The following EXOC3 variants were observed in gnomAD, a reference collection of about 807,000 sequenced individuals.
EXOC3 encodes exocyst complex component 3, also known as SEC6-like 1.
Under a neutral mutation model 73.7 loss-of-function variants are expected in EXOC3, and 21 were observed. The ratio of observed to expected loss-of-function variants is 0.29; its 90% CI spans 0.20 to 0.41. The LOEUF (loss-of-function observed/expected upper bound fraction) is 0.41. Among genes scored for constraint, EXOC3 ranks in the 10% least tolerant of loss-of-function variants. The pLI is 1.00. For missense variants in EXOC3, 842 were observed against 985.1 expected (o/e 0.85, Z 1.95); for synonymous variants, 410 against 389.1 (o/e 1.05, Z -0.63).
intron 4 of EXOC3, among the ~76,000 whole-genome samples, chr5:455,765 C>T (rs1737793194): frequency 6.6e-6 from 1 of 152,000 alleles, no homozygotes; most frequent in South Asian, 2.1e-4. Context: ...CACCATGCCC[C>T]GCTAATTTTT....
At chr5:445,455 G>T (rs1271959902) in intron 1 of EXOC3, among the ~76,000 whole-genome samples, 2 of 151,170 alleles carry the variant, frequency 1.3e-5, no homozygotes, top group Non-Finnish European at 2.9e-5. Flanking sequence ...GTTCACGCCA[G>T]TCTCCTGCCT....
At chr5:454,106 G>A in intron 4 of EXOC3, 55 bp downstream of exon 4, 4 of 1,432,914 alleles carry the variant, frequency 2.8e-6, no homozygotes, top group Non-Finnish European at 2.8e-6. Flanking sequence ...TGTGTGAGAG[G>A]GGCCTGCAGC....
chr5:465,138 G>A lies in EXOC3; in HGVS notation c.1804G>A (p.Val602Met), dbSNP rs1343412296. The change falls in exon 11 of 13, where the codon GTG becomes ATG. Residue 602 changes from valine to methionine, a missense_variant. Physicochemically the swap from Val to Met is conservative, Grantham distance 21. Transcript: ENST00000512944. ...GATGACGGCCGAGGCGCACCGGCGCGTGGTGGTGGAGTACCTGCGGGCGGT... is the reference window on the plus strand; with the variant it reads ...GATGACGGCCGAGGCGCACCGGCGCATGGTGGTGGAGTACCTGCGGGCGGT... ...KRMTAEAHRR[V>M]VVEYLRAVMQ... 8.2e-6 allele frequency: 13 copies of A among 1,592,856 alleles called. No homozygotes were observed. The highest frequency in any genetic ancestry group is 1.8e-4 in the Middle Eastern group (1 of 5,576).
chr5:451,926 T>A (rs1374707452), intron 3 of EXOC3, among the ~76,000 whole-genome samples: 1 of 152,260 alleles, frequency 6.6e-6, no homozygotes, highest in Non-Finnish European at 1.5e-5. Context: ...GATCTGCTCA[T>A]AATCTTATTT....
chr5:464,926 G>A, intron 10 of EXOC3, 185 bp from the exon 11 acceptor site: 1 of 651,564 alleles, frequency 1.5e-6, no homozygotes, highest in East Asian at 2.8e-5. Flanking sequence ...CCAGGTCACC[G>A]TCACTGTTCC....
rs1737392906 is a variant in EXOC3, at chr5:443,280, A to AGCGGCGGCGGC, written c.-65_-64insGGCGGCGGCGC. The AGCGGCGGCGGC allele has an allele frequency of 1.5e-5, 2 of 133,420 alleles. No homozygotes were observed. Among genetic ancestry groups the AGCGGCGGCGGC allele is most frequent in the South Asian group, 4.0e-4 (2 of 5,012 alleles). 8.3% of individuals were successfully genotyped at this position (133,420 alleles called of 1,614,324 possible). On this transcript the variant is annotated 5_prime_UTR_variant, in exon 1 of 13. Coordinates refer to ENST00000512944, the MANE Select transcript of EXOC3 (RefSeq NM_007277.5). ...GCGGCGGCGGCGGCGGCGGCGGCGT[A>AGCGGCGGCGGC]GCCGTAGAGGGTGAGTCGGTGGCAG...
chr5:462,087 G>A lies in EXOC3; in HGVS notation c.1502+17G>A, dbSNP rs760759046. ...GACCTTCAAGTGAGTGTGGCCGGGCGCTGTGGCGGGGGAGCGGTGGAGGCC... is the reference window on the plus strand; with the variant it reads ...GACCTTCAAGTGAGTGTGGCCGGGCACTGTGGCGGGGGAGCGGTGGAGGCC... On this transcript the variant is annotated intron_variant, in intron 8 of 12. Transcript: ENST00000512944. 11 of 1,609,220 alleles carry A rather than the reference G, an allele frequency of 6.8e-6. No individual in the cohort carries two copies. The highest frequency in any genetic ancestry group is 3.3e-4 in the Middle Eastern group (2 of 6,050).
chr5:448,315 CCCTGAACGGTG>C (rs1313871931), intron 3 of EXOC3, among the ~76,000 whole-genome samples: 1 of 152,192 alleles, frequency 6.6e-6, no homozygotes, highest in Non-Finnish European at 1.5e-5. Flanking sequence ...TGTAACCTGT[CCCTGAACGGTG>C]CCAGCTGGCC....
intron 3 of EXOC3, among the ~76,000 whole-genome samples, chr5:450,380 C>T (rs758258977): frequency 3.3e-5 from 5 of 152,172 alleles, no homozygotes; most frequent in Non-Finnish European, 4.4e-5. Context: ...TTTCTAATGT[C>T]ATCTGTTGAG....
intron 1 of EXOC3, among the ~76,000 whole-genome samples, chr5:443,806 G>A (rs1198782903): frequency 7.5e-6 from 1 of 133,990 alleles, no homozygotes; most frequent in Non-Finnish European, 1.6e-5. Flanking sequence ...TCTTGACGGT[G>A]TCCCCCCCCA....
intron 3 of EXOC3, among the ~76,000 whole-genome samples, chr5:452,223 C>T (rs1187324808): frequency 1.3e-5 from 2 of 152,180 alleles, no homozygotes; most frequent in East Asian, 1.9e-4. Flanking sequence ...TTTCTTCAAT[C>T]TTTTTTCTTT....
intron 11 of EXOC3, 66 bp from the exon 12 acceptor site, chr5:465,652 A>T: frequency 6.2e-7 from 1 of 1,600,190 alleles, no homozygotes; most frequent in East Asian, 2.2e-5. Context: ...GCTCAGCCAG[A>T]ATCCAGCTGC....
chr5:462,733 G>A (rs1738026493), intron 9 of EXOC3, among the ~76,000 whole-genome samples: 1 of 152,222 alleles, frequency 6.6e-6, no homozygotes, highest in South Asian at 2.1e-4. Flanking sequence ...ACCATGAAAT[G>A]TAGGGGTTAT....
At chr5:455,108 C>G (rs1170582158) in intron 4 of EXOC3, among the ~76,000 whole-genome samples, 1 of 152,202 alleles carries the variant, frequency 6.6e-6, no homozygotes, top group Non-Finnish European at 1.5e-5. Context: ...GGCTGCCGCT[C>G]ATCCTCATGG....
intron 2 of EXOC3, 103 bp downstream of exon 2, chr5:446,452 A>C: frequency 9.0e-7 from 1 of 1,111,006 alleles, no homozygotes; most frequent in Non-Finnish European, 1.3e-6. Context: ...GTAATGTGCA[A>C]GGAGGCAGAG....
chr5:458,679 G>A (rs1370532429), intron 6 of EXOC3, among the ~76,000 whole-genome samples: 1 of 152,170 alleles, frequency 6.6e-6, no homozygotes, highest in Non-Finnish European at 1.5e-5. Flanking sequence ...CCTGTGTCCC[G>A]TTTTTCCTGC....
chr5:453,084 A>T (rs1034923901), intron 3 of EXOC3, among the ~76,000 whole-genome samples: 1 of 152,188 alleles, frequency 6.6e-6, no homozygotes, highest in African/African-American at 2.4e-5. Context: ...AGCTTTAGGA[A>T]CACATCAGCA....
chr5:452,654 TC>T (rs991659211), intron 3 of EXOC3, among the ~76,000 whole-genome samples: 1 of 152,320 alleles, frequency 6.6e-6, no homozygotes, highest in African/African-American at 2.4e-5. Context: ...CAGATCCCCT[TC>T]CCAGGTTGAT....
intron 11 of EXOC3, 112 bp downstream of exon 11, chr5:465,384 C>A (rs1030068426): frequency 3.3e-6 from 4 of 1,219,468 alleles, no homozygotes; most frequent in African/African-American, 3.0e-5. Flanking sequence ...GTTTGTCAGG[C>A]GGGGGGAGCC....
Sources: allele counts gnomAD v4.1 joint callset (sites outside exome capture counted in the v4.1 genomes callset), GRCh38; gene constraint gnomAD v4.1.1; transcripts MANE v1.5; gene names NCBI Gene and HGNC (gene_info 2026-07-23, HGNC 2026-07-21).